The following RHOBTB3 variants were observed in gnomAD, a reference collection of about 807,000 sequenced individuals.
RHOBTB3 encodes Rho related BTB domain containing 3.
A neutral mutation model predicts 67.2 loss-of-function variants in RHOBTB3; 47 were observed. The ratio of observed to expected loss-of-function variants is 0.70; its 90% confidence interval spans 0.55 to 0.89. The LOEUF is 0.89. RHOBTB3 is among the 40% of genes least tolerant of loss of function. The pLI is 0.00. For missense variants in RHOBTB3, 631 were observed against 750.0 expected (o/e 0.84, Z 1.85); for synonymous variants, 273 against 274.2 (o/e 1.00, Z 0.04).
chr5:95,762,187 A>G (rs904171217), intron 6 of RHOBTB3, among the ~76,000 whole-genome samples: 3 of 152,160 alleles, frequency 2.0e-5, no homozygotes, highest in Non-Finnish European at 4.4e-5. Context: ...GCTACATATC[A>G]TTTGACTCCC....
intron 11 of RHOBTB3, among the ~76,000 whole-genome samples, chr5:95,790,863 T>C (rs1218695251): frequency 6.6e-6 from 1 of 152,134 alleles, no homozygotes. Context: ...GTTAAAAATA[T>C]ATAGTACTGG....
At chr5:95,788,408 C>T (rs1300593175) in intron 10 of RHOBTB3, among the ~76,000 whole-genome samples, 1 of 152,208 alleles carries the variant, frequency 6.6e-6, no homozygotes, top group Non-Finnish European at 1.5e-5. Flanking sequence ...TCATCTACTA[C>T]ACAGATACAG....
At chr5:95,737,210 C>G (rs976350082) in intron 3 of RHOBTB3, 135 bp downstream of exon 3, 12 of 572,814 alleles carry the variant, frequency 2.1e-5, no homozygotes, top group Non-Finnish European at 3.3e-5. Context: ...CAGCTGCTAT[C>G]GCTTCATCAT....
intron 7 of RHOBTB3, among the ~76,000 whole-genome samples, 165 bp downstream of exon 7, chr5:95,763,785 G>A (rs937772243): frequency 4.1e-5 from 6 of 147,164 alleles, no homozygotes; most frequent in Non-Finnish European, 4.5e-5. Flanking sequence ...ATAAACATGG[G>A]TTATTTGTAT....
intron 8 of RHOBTB3, among the ~76,000 whole-genome samples, chr5:95,775,359 G>T (rs1334208439): frequency 6.6e-6 from 1 of 150,446 alleles, no homozygotes; most frequent in Non-Finnish European, 1.5e-5. Flanking sequence ...CTATTAAGGA[G>T]ATTAGAGATC....
At chr5:95,765,593 C>T (rs1416764894) in intron 7 of RHOBTB3, among the ~76,000 whole-genome samples, 1 of 152,230 alleles carries the variant, frequency 6.6e-6, no homozygotes, top group African/African-American at 2.4e-5. Context: ...CAAGTCAGGG[C>T]TTCCTATAAA....
At chr5:95,722,023 C>T (rs1255507558) in intron 1 of RHOBTB3, among the ~76,000 whole-genome samples, 2 of 152,012 alleles carry the variant, frequency 1.3e-5, no homozygotes, top group Admixed American at 6.6e-5. Context: ...AAGTTATAAA[C>T]AAGTTGAGAA....
chr5:95,719,237 G>C (rs756605528), intron 1 of RHOBTB3, among the ~76,000 whole-genome samples: 2 of 152,200 alleles, frequency 1.3e-5, no homozygotes, highest in Non-Finnish European at 2.9e-5. Flanking sequence ...CAACTGGAGA[G>C]AGACAGACGG....
At chr5:95,740,033 T>C (rs557495170) in intron 3 of RHOBTB3, among the ~76,000 whole-genome samples, 1 of 152,192 alleles carries the variant, frequency 6.6e-6, no homozygotes, top group Non-Finnish European at 1.5e-5. Context: ...GGTTGAATCA[T>C]GGGAGCGGGT....
chr5:95,785,374 G>A (rs980728566), intron 10 of RHOBTB3, among the ~76,000 whole-genome samples: 2 of 152,118 alleles, frequency 1.3e-5, no homozygotes, highest in Non-Finnish European at 2.9e-5. Flanking sequence ...GGCGGATCAC[G>A]AGGTCAGGAG....
chr5:95,760,986 T>G (rs1342544681), intron 6 of RHOBTB3, among the ~76,000 whole-genome samples: 1 of 152,188 alleles, frequency 6.6e-6, no homozygotes, highest in Non-Finnish European at 1.5e-5. Context: ...TGAGAATTAG[T>G]CTTACTTTCA....
At chr5:95,748,254 T>A (rs1744979262) in intron 3 of RHOBTB3, 79 bp from the exon 4 acceptor site, 4 of 1,071,730 alleles carry the variant, frequency 3.7e-6, no homozygotes, top group African/African-American at 1.6e-5. Context: ...CTCTTTGTTG[T>A]TTAATGTTCA....
At chr5:95,720,747 C>G (rs1401100157) in intron 1 of RHOBTB3, among the ~76,000 whole-genome samples, 1 of 152,026 alleles carries the variant, frequency 6.6e-6, no homozygotes, top group African/African-American at 2.4e-5. Flanking sequence ...GACTCGTAGA[C>G]TTTTCCCATG....
intron 11 of RHOBTB3, among the ~76,000 whole-genome samples, chr5:95,790,998 T>G (rs1746368452): frequency 1.3e-5 from 2 of 152,168 alleles, no homozygotes; most frequent in South Asian, 4.1e-4. Flanking sequence ...GCATGCCCTC[T>G]CCAGAGGGTC....
At chr5:95,728,974 C>T (rs895092780), upstream of RHOBTB3, among the ~76,000 whole-genome samples, 2 of 152,198 alleles carry the variant, frequency 1.3e-5, no homozygotes, top group African/African-American at 4.8e-5. Flanking sequence ...ACAAATGTCA[C>T]GGCAATGTCA....
intron 1 of RHOBTB3, among the ~76,000 whole-genome samples, chr5:95,724,555 T>C (rs1350162313): frequency 6.6e-6 from 1 of 152,178 alleles, no homozygotes; most frequent in Admixed American, 6.5e-5. Context: ...GGGCCAATTG[T>C]CTGAATTGGA....
chr5:95,770,676 G>A (rs763996539), intron 8 of RHOBTB3: 25 of 487,792 alleles, frequency 5.1e-5, no homozygotes, highest in African/African-American at 1.4e-4. Context: ...GAATGGGTGC[G>A]GTAGGTGGGA....
rs1746473288 is a variant in RHOBTB3 at position 95,793,263 on chromosome 5, C to T, written c.*89C>T. 2 of 791,774 alleles carry T rather than the reference C, an allele frequency of 2.5e-6. No individual in the cohort carries two copies. Among genetic ancestry groups the T allele is most frequent in the Admixed American group, 2.8e-5 (1 of 35,810 alleles). The allele number at this position is 791,774 out of a possible 1,614,324, so 49.0% of individuals were successfully genotyped here. On this transcript the variant is annotated 3_prime_UTR_variant, in exon 12 of 12. Coordinates refer to ENST00000379982, the MANE Select transcript of RHOBTB3 (RefSeq NM_014899.4). ...CCAGTAAAATTCTTCTGACCGAAAC[C>T]AATGTGGGTGTTAGAAAAATTACCA...
At position 95,793,126 on chromosome 5, in the gene RHOBTB3, A is replaced by G; in HGVS notation, c.1788A>G (p.Glu596=). 6.2e-7 allele frequency: 1 copy of G among 1,613,482 alleles called. No homozygotes were observed. The highest frequency in any genetic ancestry group is 2.2e-5 in the East Asian group (1 of 44,816). ...ATATGTACTTGAAGCAGCTTGCGGA[A>G]TACAGGAAGTATATTCACTCCCGGA... ...PSNMYLKQLA[E]YRKYIHSRKC... Residue 596 remains glutamate, a synonymous_variant, in exon 12 of 12, where the codon GAA becomes GAG. Coordinates refer to ENST00000379982, the MANE Select transcript of RHOBTB3 (RefSeq NM_014899.4).
Sources: gnomAD v4.1 joint callset for allele counts (sites outside exome capture counted in the v4.1 genomes callset) on GRCh38, gnomAD v4.1.1 for gene constraint, MANE v1.5 for transcripts, NCBI Gene and HGNC (gene_info 2026-07-23, HGNC 2026-07-21) for gene names.